The following NUTM2D variants were observed in gnomAD, a reference collection of about 807,000 sequenced individuals.
NUTM2D encodes the protein NUT family member 2D.
A neutral mutation model predicts 43.5 loss-of-function variants in NUTM2D; 2 were observed. That is an observed-to-expected ratio of 0.05 (90% CI 0.02 to 0.14). NUTM2D has a LOEUF of 0.14. Ranked by LOEUF, NUTM2D falls within the 10% of genes least tolerant of loss-of-function variation. The pLI is 1.00. For synonymous variants in NUTM2D, 24 were observed against 276.6 expected (o/e 0.09, Z 9.06); for missense variants, 48 against 668.7 (o/e 0.07, Z 10.24).
intron 5 of NUTM2D, 136 bp downstream of exon 5, chr10:87,365,339 G>T (rs1850284645): frequency 3.3e-6 from 5 of 1,509,102 alleles, no homozygotes; most frequent in South Asian, 1.3e-5. Flanking sequence ...GTATGTGATT[G>T]TGTGTGTCTG....
At chr10:87,369,783 C>G (rs1162537591), downstream of NUTM2D, 1 of 150,930 alleles carries the variant, frequency 6.6e-6, no homozygotes, top group Non-Finnish European at 1.5e-5. Context: ...GCTCACACAC[C>G]CAGGTCACTC....
At chr10:87,369,615 G>A (rs1439364144), downstream of NUTM2D, 1 of 152,140 alleles carries the variant, frequency 6.6e-6, no homozygotes, top group African/African-American at 2.4e-5. Context: ...CACCCCAAGT[G>A]CAGTGTATCA....
At chr10:87,368,177 G>C (rs1283379978), downstream of NUTM2D, 4 of 151,756 alleles carry the variant, frequency 2.6e-5, no homozygotes, top group Non-Finnish European at 5.9e-5. Flanking sequence ...ACCGAGGCTG[G>C]GGAGGATGCT....
chr10:87,358,343 T>C lies in NUTM2D; in HGVS notation c.78T>C (p.Ser26=), dbSNP rs1467453894. 1.2e-6 allele frequency: 2 copies of C among 1,613,758 alleles called. No homozygotes were observed. The highest frequency in any genetic ancestry group is 2.2e-5 in the South Asian group (2 of 91,068). ...GAGCATCTGGTGAGCCAGGTCACTCTCTGGGTCTTACCCTTGGCTTTTCTC... is the reference window on the plus strand; with the variant it reads ...GAGCATCTGGTGAGCCAGGTCACTCCCTGGGTCTTACCCTTGGCTTTTCTC... ...DSGASGEPGH[S]LGLTLGFSHC... The change falls in exon 1 of 7, where the codon TCT becomes TCC. Residue 26 remains serine, a synonymous_variant. Coordinates refer to ENST00000381697, the MANE Select transcript of NUTM2D (RefSeq NM_001382304.1).
At chr10:87,369,292 G>A (rs1362954656), downstream of NUTM2D, 2 of 151,682 alleles carry the variant, frequency 1.3e-5, no homozygotes, top group Non-Finnish European at 2.9e-5. Context: ...AGAGACCCCA[G>A]AGCTCTCTCT....
downstream of NUTM2D, chr10:87,369,921 CAAGGCTTGCCCCCGTTAGTGA>C (rs1564647941): frequency 6.6e-6 from 1 of 152,048 alleles, no homozygotes; most frequent in Non-Finnish European, 1.5e-5. Context: ...ACAACGTGAG[CAAGGCTTGCCCCCGTTAGTGA>C]ACATGCTGTG....
downstream of NUTM2D, chr10:87,367,235 G>T: frequency 2.3e-6 from 3 of 1,284,566 alleles, no homozygotes; most frequent in Non-Finnish European, 3.3e-6. Context: ...GTGCTGTGCT[G>T]CTCCGTGGAG....
downstream of NUTM2D, chr10:87,369,528 A>G (rs942130094): frequency 6.6e-6 from 1 of 151,972 alleles, no homozygotes; most frequent in Non-Finnish European, 1.5e-5. Context: ...AACTTCCTTC[A>G]TGACTGGTAT....
In NUTM2D at chr10:87,365,163, A is replaced by G. The variant is rs1462110971; in HGVS notation, c.1478A>G (p.Tyr493Cys). ...CCCCCAGACCCGGGCCTCCTGAGCTACACTGACAAGCTGTGTTCCCAGAAA... is the reference window on the plus strand; with the variant it reads ...CCCCCAGACCCGGGCCTCCTGAGCTGCACTGACAAGCTGTGTTCCCAGAAA... Reference protein sequence around the residue: ...WTPPDPGLLSYTDKLCSQKDF... With the variant: ...WTPPDPGLLSCTDKLCSQKDF... The change falls in exon 5 of 7, where the codon TAC (tyrosine) becomes TGC (cysteine). Residue 493 changes from tyrosine to cysteine, a missense_variant. Physicochemically the swap from Tyr to Cys is radical, Grantham distance 194 (BLOSUM62 -2). Coordinates refer to ENST00000381697, the MANE Select transcript of NUTM2D (RefSeq NM_001382304.1). 7.5e-7 allele frequency: 1 copy of G among 1,325,982 alleles called. No homozygotes were observed. The highest frequency in any genetic ancestry group is 1.6e-5 in the African/African-American group (1 of 63,472). The allele number at this position is 1,325,982 out of a possible 1,614,324, so 82.1% of individuals were successfully genotyped here. A position where few individuals can be genotyped will look rare whatever the true frequency, so the allele number is the denominator to read the frequency against.
intron 5 of NUTM2D, among the ~76,000 whole-genome samples, 154 bp downstream of exon 5, chr10:87,365,357 CTGTG>C (rs1268822586): frequency 1.3e-5 from 2 of 151,166 alleles, no homozygotes; most frequent in South Asian, 2.1e-4. Context: ...CTGTGTGTTG[CTGTG>C]TGTTTGTGTC....
chr10:87,359,953 C>T (rs1850248689), intron 1 of NUTM2D, among the ~76,000 whole-genome samples: 2 of 152,158 alleles, frequency 1.3e-5, no homozygotes, highest in Admixed American at 6.5e-5. Context: ...GATTTCCATC[C>T]AGTGGTTTTG....
Position 87,357,926 on chromosome 10 carries a change from T to C in NUTM2D, c.-340T>C, listed in dbSNP as rs1446879890. The C allele has an allele frequency of 1.4e-6, 1 of 728,134 alleles. No individual in the cohort carries two copies. The highest frequency in any genetic ancestry group is 1.9e-5 in the African/African-American group (1 of 53,634). 45.1% of individuals were successfully genotyped at this position (728,134 alleles called of 1,614,324 possible). On this transcript the variant is annotated 5_prime_UTR_variant, in exon 1 of 7. Transcript: ENST00000381697. ...CTAAGAACCCCTGTGTTTCTCAGAC[T>C]GAAAATGTGTTTTGAACTTTGTTCA...
At chr10:87,370,028 G>A (rs879309291), downstream of NUTM2D, 42 of 152,180 alleles carry the variant, frequency 2.8e-4, no homozygotes, top group Admixed American at 5.9e-4. Flanking sequence ...TAACTTCAGC[G>A]TTGCATGATG....
chr10:87,370,017 C>T (rs992840235), downstream of NUTM2D: 2 of 152,116 alleles, frequency 1.3e-5, no homozygotes, highest in African/African-American at 4.8e-5. Flanking sequence ...CACTTTGATT[C>T]TAACTTCAGC....
chr10:87,360,005 G>A (rs1442183478), intron 1 of NUTM2D, among the ~76,000 whole-genome samples: 1 of 147,648 alleles, frequency 6.8e-6, no homozygotes, highest in Non-Finnish European at 1.5e-5. Context: ...GTTTACAAGA[G>A]CGTCAGGAAA....
At chr10:87,367,464 G>A (rs565340774), downstream of NUTM2D, 4 of 1,337,436 alleles carry the variant, frequency 3.0e-6, no homozygotes, top group Admixed American at 1.9e-5. Context: ...CAGCATCCCT[G>A]GAAAATCCTG....
In NUTM2D at chr10:87,358,393, T is replaced by A; in HGVS notation, c.128T>A (p.Val43Glu). The change falls in exon 1 of 7, where the codon GTA (valine) becomes GAA (glutamate). Residue 43 changes from valine (V) to glutamate (E), a missense_variant. Coordinates refer to ENST00000381697, the MANE Select transcript of NUTM2D (RefSeq NM_001382304.1). ...CATTGTGGAAACTGCCAGACAGCGG[T>A]AGTCAGTGCCCAGCCTGAGGGGATG... ...FSHCGNCQTA[V>E]VSAQPEGMAS... 1 of 1,614,046 alleles carries A rather than the reference T, an allele frequency of 6.2e-7. No individual in the cohort carries two copies. The highest frequency in any genetic ancestry group is 1.7e-4 in the Middle Eastern group (1 of 5,922).
downstream of NUTM2D, chr10:87,369,579 G>A (rs1850335211): frequency 1.3e-5 from 2 of 152,164 alleles, no homozygotes; most frequent in Admixed American, 6.5e-5. Context: ...GAAAGGCTCA[G>A]CCCTTTACAA....
At position 87,358,216 on chromosome 10, in the gene NUTM2D, C is replaced by A. The variant is rs762400790; in HGVS notation, c.-50C>A. On this transcript the variant is annotated 5_prime_UTR_variant, in exon 1 of 7. Coordinates refer to ENST00000381697, the MANE Select transcript of NUTM2D (RefSeq NM_001382304.1). ...AGCCCTTCACAGAATGTCCCCCACC[C>A]CTAACAGCTGCCCACTGCCCCTCCC... The A allele has an allele frequency of 2.5e-6, 4 of 1,612,054 alleles. No individual in the cohort carries two copies. Among genetic ancestry groups the A allele is most frequent in the Admixed American group, 3.3e-5 (2 of 60,010 alleles).
Sources: gnomAD v4.1 joint callset for allele counts (sites outside exome capture counted in the v4.1 genomes callset) on GRCh38, gnomAD v4.1.1 for gene constraint, MANE v1.5 for transcripts, NCBI Gene and HGNC (gene_info 2026-07-23, HGNC 2026-07-21) for gene names.